The following TTI1 variants were observed in gnomAD, a reference collection of about 807,000 sequenced individuals.
The protein encoded by TTI1 is TELO2-interacting protein 1 homolog.
TTI1 carries 52 observed loss-of-function variants against 85.4 expected under a neutral mutation model. The observed-to-expected ratio is 0.61, with a 90% confidence interval of 0.49 to 0.77. The LOEUF (loss-of-function observed/expected upper bound fraction) is 0.77, where lower values mean the gene tolerates loss of function less well. TTI1 is among the 30% of genes least tolerant of loss of function. The probability of loss-of-function intolerance (pLI) is 0.00; values close to 1 mark genes in which losing one functional copy is unlikely to be tolerated. For synonymous variants in TTI1, 512 were observed against 503.9 expected (o/e 1.02, Z -0.22); for missense variants, 1,173 against 1,296.0 (o/e 0.91, Z 1.46).
chr20:37,993,470 AG>A (rs1266770878), intron 7 of TTI1, among the ~76,000 whole-genome samples: 1 of 152,172 alleles, frequency 6.6e-6, no homozygotes, highest in South Asian at 2.1e-4. Context: ...AATGGGAGCA[AG>A]GAAAAACCCA....
At position 38,013,689 on chromosome 20, in the gene TTI1, C is replaced by G; in HGVS notation, c.128G>C (p.Ser43Thr). The G allele has an allele frequency of 6.2e-7, 1 of 1,614,210 alleles. No homozygotes were observed. The highest frequency in any genetic ancestry group is 1.1e-5 in the South Asian group (1 of 91,084). ...GTACTGCTGAAGTTCCTGAAGGGCACTGTCACTCACAGCTTGTAGTCGTGT... is the reference window on the plus strand; with the variant it reads ...GTACTGCTGAAGTTCCTGAAGGGCAGTGTCACTCACAGCTTGTAGTCGTGT... The part of the protein sequence containing the change: ...LQTRLQAVSD[S>T]ALQELQQYIL... The change falls in exon 2 of 8, where the codon AGT becomes ACT. Residue 43 changes from serine to threonine, a missense_variant. Ser to Thr is a moderately conservative substitution (Grantham distance 58, BLOSUM62 1). Transcript: ENST00000373447.
rs2073624785 is a variant in TTI1, at chr20:38,013,059, T to C, written c.758A>G (p.Lys253Arg). Residue 253 changes from lysine (K) to arginine (R), a missense_variant, in exon 2 of 8, where the codon AAA becomes AGA. Coordinates refer to ENST00000373447, the MANE Select transcript of TTI1 (RefSeq NM_001303457.2). ...VSFIMADEQL[K>R]RISKVQAKPA... ...TTTTGCTTGGACCTTTGAGATTCTTTTGAGCTGTTCATCAGCCATAATGAA... is the reference window on the plus strand; with the variant it reads ...TTTTGCTTGGACCTTTGAGATTCTTCTGAGCTGTTCATCAGCCATAATGAA... The C allele has an allele frequency of 1.2e-6, 2 of 1,614,084 alleles. No homozygotes were observed. The highest frequency in any genetic ancestry group is 1.3e-5 in the African/African-American group (1 of 74,942).
intron 7 of TTI1, among the ~76,000 whole-genome samples, chr20:37,990,759 G>T (rs557521403): frequency 3.3e-5 from 5 of 152,256 alleles, no homozygotes; most frequent in African/African-American, 1.2e-4. Flanking sequence ...TGTGCAGGCG[G>T]TGCTGCGACC....
intron 1 of TTI1, among the ~76,000 whole-genome samples, chr20:38,032,396 T>C (rs748927984): frequency 5.9e-5 from 9 of 152,206 alleles, no homozygotes; most frequent in Non-Finnish European, 1.2e-4. Context: ...GAACGTCTCC[T>C]AAACTAGAGT....
At chr20:37,990,734 G>A (rs539640448) in intron 7 of TTI1, among the ~76,000 whole-genome samples, 1 of 152,258 alleles carries the variant, frequency 6.6e-6, no homozygotes, top group East Asian at 1.9e-4. Flanking sequence ...AGCCTCTGAT[G>A]ACCAAAACCC....
chr20:38,033,192 G>T (rs1320080686), intron 1 of TTI1, among the ~76,000 whole-genome samples: 2 of 152,188 alleles, frequency 1.3e-5, no homozygotes, highest in African/African-American at 4.8e-5. Flanking sequence ...CACGTGGGTG[G>T]CTTGGAAGAA....
chr20:38,030,969 G>A (rs565318260), intron 1 of TTI1, among the ~76,000 whole-genome samples: 11 of 152,226 alleles, frequency 7.2e-5, no homozygotes, highest in African/African-American at 2.6e-4. Context: ...AAAACCCTTG[G>A]AGCTATCTCA....
chr20:38,033,040 T>C (rs1434987702), intron 1 of TTI1, among the ~76,000 whole-genome samples: 1 of 152,182 alleles, frequency 6.6e-6, no homozygotes, highest in African/African-American at 2.4e-5. Context: ...GTGTGTTTCA[T>C]GACGGCGCTG....
intron 7 of TTI1, among the ~76,000 whole-genome samples, chr20:37,989,391 T>C (rs987161216): frequency 2.6e-5 from 4 of 152,226 alleles, no homozygotes; most frequent in African/African-American, 9.6e-5. Context: ...TGCCACAAGA[T>C]AAAGTATCAT....
intron 1 of TTI1, among the ~76,000 whole-genome samples, chr20:38,030,985 CAT>C (rs1414418563): frequency 6.6e-6 from 1 of 152,226 alleles, no homozygotes; most frequent in Non-Finnish European, 1.5e-5. Flanking sequence ...TCTCAACTCT[CAT>C]ATGTCTTTCA....
chr20:38,020,323 A>ATATATAT (rs1555795789), intron 1 of TTI1, among the ~76,000 whole-genome samples: 54 of 50,374 alleles, frequency 1.1e-3, no homozygotes, highest in African/African-American at 3.0e-3. Flanking sequence ...AAAAAAAAAA[A>ATATATAT]ATATATATAT....
At chr20:38,031,615 A>C (rs574691902) in intron 1 of TTI1, among the ~76,000 whole-genome samples, 1 of 152,246 alleles carries the variant, frequency 6.6e-6, no homozygotes, top group South Asian at 2.1e-4. Context: ...TATCTTTCTC[A>C]GTAGAAAGTA....
chr20:38,008,679 A>G (rs2073536509), intron 2 of TTI1, among the ~76,000 whole-genome samples: 2 of 152,154 alleles, frequency 1.3e-5, no homozygotes, highest in East Asian at 3.9e-4. Flanking sequence ...GGGTTCTTCT[A>G]AGGCCTTTCA....
chr20:37,996,284 G>A (rs1600612657), intron 7 of TTI1, 91 bp downstream of exon 7: 1 of 1,320,624 alleles, frequency 7.6e-7, no homozygotes, highest in Admixed American at 1.8e-5. Context: ...ACAGAGAAAA[G>A]AGCAGAGATG....
chr20:38,022,176 T>C (rs938710790), intron 1 of TTI1, among the ~76,000 whole-genome samples: 7 of 152,172 alleles, frequency 4.6e-5, no homozygotes, highest in Non-Finnish European at 8.8e-5. Context: ...ACACATCCAT[T>C]CAGATGAAAT....
Position 38,003,752 on chromosome 20 carries a change from C to CAA in TTI1, c.2504-978_2504-977dup, listed in dbSNP as rs61171915. 8.7e-3 allele frequency among the ~76,000 whole-genome samples: 1,035 copies of CAA among 118,806 alleles called. 6 individuals carry two copies. Among genetic ancestry groups the CAA allele is most frequent in the African/African-American group, 0.027 (802 of 30,184 alleles). The allele number at this position is 118,806 out of a possible 152,430, so 77.9% of individuals were successfully genotyped here. On this transcript the variant is annotated intron_variant, in intron 3 of 7. Transcript: ENST00000373447. ...GGGCAACAACAGCAAAACTCTGTCT[C>CAA]AAAAAAAAAAAAAAAAGGGAGAGAT...
chr20:37,990,336 T>C (rs1178725596), intron 7 of TTI1, among the ~76,000 whole-genome samples: 1 of 152,272 alleles, frequency 6.6e-6, no homozygotes, highest in Non-Finnish European at 1.5e-5. Context: ...TATTTTGTGC[T>C]ACCTGACTTT....
Position 38,013,860 on chromosome 20 carries a change from G to C in TTI1, c.-41-3C>G. 2 of 1,566,804 alleles carry C rather than the reference G, an allele frequency of 1.3e-6. No homozygotes were observed. Among genetic ancestry groups the C allele is most frequent in the Non-Finnish European group, 8.6e-7 (1 of 1,161,906 alleles). On this transcript the variant is annotated splice_region_variant and splice_polypyrimidine_tract_variant and intron_variant, in intron 1 of 7. Coordinates refer to ENST00000373447, the MANE Select transcript of TTI1 (RefSeq NM_001303457.2). ...TCATTGAGGAAACATCCTGCAGGCT[G>C]GAGGAAGGAAACTGTTCAGTAAAAA...
intron 2 of TTI1, among the ~76,000 whole-genome samples, chr20:38,010,546 C>T (rs1362662888): frequency 6.8e-6 from 1 of 147,900 alleles, no homozygotes; most frequent in Non-Finnish European, 1.5e-5. Flanking sequence ...TCTTGGCTCA[C>T]TGCAAGCTCC....
Sources: gnomAD v4.1 joint callset for allele counts (sites outside exome capture counted in the v4.1 genomes callset) on GRCh38, gnomAD v4.1.1 for gene constraint, MANE v1.5 for transcripts, NCBI Gene and HGNC (gene_info 2026-07-23, HGNC 2026-07-21) for gene names.